SPIDR: variants seen among roughly 807,000 people sequenced by gnomAD.
SPIDR encodes the protein scaffold protein involved in DNA repair, also known as DNA repair-scaffolding protein.
A neutral mutation model predicts 104.6 loss-of-function variants in SPIDR; 93 were observed. That is an observed-to-expected ratio of 0.89 (90% CI 0.75 to 1.06). The LOEUF is 1.06. Ranked by LOEUF, SPIDR falls within the 50% of genes least tolerant of loss-of-function variation. The pLI, the probability that SPIDR is intolerant of heterozygous loss-of-function variation, is 0.00. For missense variants in SPIDR, 1,154 were observed against 1,111.2 expected, an observed-to-expected ratio of 1.04 and a Z score of -0.55; for synonymous variants, 431 against 416.9, an observed-to-expected ratio of 1.03 and a Z score of -0.41.
intron 10 of SPIDR, among the ~76,000 whole-genome samples, chr8:47,633,777 G>C (rs1012789927): frequency 1.3e-5 from 2 of 151,992 alleles, no homozygotes; most frequent in Non-Finnish European, 2.9e-5. Context: ...CTTGAAAAAA[G>C]CATAATGAAC....
chr8:47,653,077 G>A (rs906752725), intron 10 of SPIDR, among the ~76,000 whole-genome samples: 2 of 152,130 alleles, frequency 1.3e-5, no homozygotes, highest in African/African-American at 4.8e-5. Flanking sequence ...CATGACTGAT[G>A]CCACTCACCA....
At position 47,434,183 on chromosome 8, in the gene SPIDR, C is replaced by G. The variant is rs76825352; in HGVS notation, c.878-6140C>G. ...TATTATCATCACAGCTGGTGGTAAC[C>G]AGTGTTAGAGTGTTTATTAAAGACA... On this transcript the variant is annotated intron_variant, in intron 7 of 19. Transcript: ENST00000297423. 4.8e-3 allele frequency among the ~76,000 whole-genome samples: 725 copies of G among 152,162 alleles called. 5 individuals are homozygous for G. Among genetic ancestry groups the G allele is most frequent in the African/African-American group, 0.017 (687 of 41,502 alleles).
chr8:47,303,307 G>T (rs1012749801), intron 5 of SPIDR, among the ~76,000 whole-genome samples: 1 of 152,226 alleles, frequency 6.6e-6, no homozygotes, highest in South Asian at 2.1e-4. Flanking sequence ...CGCAGTATTA[G>T]GGTTGGAGTG....
chr8:47,292,332 A>T (rs900248747), intron 4 of SPIDR, among the ~76,000 whole-genome samples: 2 of 152,136 alleles, frequency 1.3e-5, no homozygotes, highest in Non-Finnish European at 2.9e-5. Context: ...TATTAATATC[A>T]TTGACCTTTT....
At chr8:47,543,638 C>T (rs1463952473) in intron 8 of SPIDR, among the ~76,000 whole-genome samples, 6 of 152,172 alleles carry the variant, frequency 3.9e-5, no homozygotes, top group African/African-American at 1.4e-4. Flanking sequence ...AAAAGCACAA[C>T]TGAGCTTCAT....
At chr8:47,434,455 T>C (rs2067913567) in intron 7 of SPIDR, among the ~76,000 whole-genome samples, 1 of 152,206 alleles carries the variant, frequency 6.6e-6, no homozygotes, top group African/African-American at 2.4e-5. Flanking sequence ...CTGGGCAGGC[T>C]AGCCTTTTGG....
intron 11 of SPIDR, among the ~76,000 whole-genome samples, chr8:47,685,513 A>ATTTTTTT (rs376980650): frequency 0.012 from 1,495 of 120,992 alleles, 73 homozygotes; most frequent in Middle Eastern, 0.025. Flanking sequence ...TTATTTATTT[A>ATTTTTTT]TTTATTTTTT....
intron 5 of SPIDR, among the ~76,000 whole-genome samples, chr8:47,326,377 C>T (rs1260500151): frequency 3.9e-5 from 6 of 152,146 alleles, no homozygotes; most frequent in Non-Finnish European, 8.8e-5. Flanking sequence ...TTCAGCCTTG[C>T]CACGTACATA....
chr8:47,414,265 A>G (rs782305286), intron 7 of SPIDR, among the ~76,000 whole-genome samples: 6 of 152,222 alleles, frequency 3.9e-5, no homozygotes, highest in Non-Finnish European at 7.3e-5. Flanking sequence ...ATTGTCAAGT[A>G]TGTAGTTGAC....
chr8:47,333,395 G>T (rs559675678), intron 5 of SPIDR, among the ~76,000 whole-genome samples: 1 of 152,054 alleles, frequency 6.6e-6, no homozygotes, highest in East Asian at 1.9e-4. Context: ...TCGGCCTCCT[G>T]GGTTCAAGCA....
chr8:47,620,604 G>A (rs186366112), intron 10 of SPIDR, among the ~76,000 whole-genome samples: 18 of 149,490 alleles, frequency 1.2e-4, no homozygotes, highest in African/African-American at 4.4e-4. Context: ...ACAATTCATC[G>A]GTTTTGTTTT....
chr8:47,710,475 T>C (rs2081696809), intron 14 of SPIDR, among the ~76,000 whole-genome samples: 1 of 152,026 alleles, frequency 6.6e-6, no homozygotes, highest in Non-Finnish European at 1.5e-5. Flanking sequence ...TTCACCTTTT[T>C]TTTTTTTTTT....
intron 3 of SPIDR, among the ~76,000 whole-genome samples, chr8:47,288,891 G>T (rs2039372634): frequency 1.3e-5 from 2 of 152,092 alleles, no homozygotes; most frequent in African/African-American, 4.8e-5. Context: ...ATGCAAAGTG[G>T]AACATTCCAT....
chr8:47,286,708 G>C (rs900199241), intron 3 of SPIDR, among the ~76,000 whole-genome samples: 2 of 152,056 alleles, frequency 1.3e-5, no homozygotes, highest in African/African-American at 4.8e-5. Context: ...CTTAATCTAG[G>C]GGGAAAAAGA....
intron 11 of SPIDR, among the ~76,000 whole-genome samples, chr8:47,681,385 TA>T (rs999761556): frequency 4.6e-5 from 7 of 152,174 alleles, no homozygotes; most frequent in African/African-American, 1.7e-4. Flanking sequence ...ATTTTTTTTT[TA>T]ACATAGAGCA....
At chr8:47,589,022 G>GTTTTTT (rs1168001066) in intron 8 of SPIDR, among the ~76,000 whole-genome samples, 151 of 89,014 alleles carry the variant, frequency 1.7e-3, no homozygotes, top group Middle Eastern at 8.9e-3. Context: ...TTTATAGTTT[G>GTTTTTT]TTTTTTTTTT....
intron 8 of SPIDR, among the ~76,000 whole-genome samples, chr8:47,481,408 G>A (rs1317333338): frequency 6.6e-6 from 1 of 152,118 alleles, no homozygotes; most frequent in Non-Finnish European, 1.5e-5. Flanking sequence ...AGGCCGAGGT[G>A]GGCAGATCAC....
chr8:47,575,986 T>G (rs1411773825), intron 8 of SPIDR, among the ~76,000 whole-genome samples: 4 of 151,320 alleles, frequency 2.6e-5, no homozygotes, highest in Non-Finnish European at 5.9e-5. Context: ...TCTTTTTTTT[T>G]TTGTTTATCT....
intron 3 of SPIDR, among the ~76,000 whole-genome samples, chr8:47,284,930 G>A (rs1387483087): frequency 6.6e-6 from 1 of 152,246 alleles, no homozygotes; most frequent in Non-Finnish European, 1.5e-5. Context: ...TCCTGCCATA[G>A]GCAGTCAGCC....
Sources: allele counts gnomAD v4.1 joint callset (sites outside exome capture counted in the v4.1 genomes callset), GRCh38; gene constraint gnomAD v4.1.1; transcripts MANE v1.5; gene names NCBI Gene and HGNC (gene_info 2026-07-23, HGNC 2026-07-21).